The following SLC16A7 variants were observed in gnomAD, a reference collection of about 807,000 sequenced individuals.
The protein encoded by SLC16A7 is monocarboxylate transporter 2.
In SLC16A7, 33 loss-of-function variants were observed where a neutral mutation model predicts 34.9. That is an observed-to-expected ratio of 0.94 (90% confidence interval 0.72 to 1.26). The LOEUF is 1.26. Among genes scored for constraint, SLC16A7 ranks in the 50% most tolerant of loss-of-function variants. SLC16A7 has a pLI of 0.00. For missense variants in SLC16A7, 573 were observed against 578.1 expected (o/e 0.99, Z 0.09); for synonymous variants, 201 against 206.6 (o/e 0.97, Z 0.23).
intron 3 of SLC16A7, among the ~76,000 whole-genome samples, chr12:59,714,708 G>T (rs1461865917): frequency 6.6e-6 from 1 of 152,088 alleles, no homozygotes; most frequent in African/African-American, 2.4e-5. Flanking sequence ...AGGATTACAG[G>T]TGCCCACCAC....
At chr12:59,701,460 GTA>G (rs946558809) in intron 2 of SLC16A7, among the ~76,000 whole-genome samples, 1 of 151,448 alleles carries the variant, frequency 6.6e-6, no homozygotes, top group African/African-American at 2.4e-5. Flanking sequence ...ATAGAATTGT[GTA>G]TATGTGTGTG....
intron 3 of SLC16A7, among the ~76,000 whole-genome samples, chr12:59,753,272 A>C (rs1215144969): frequency 4.6e-5 from 7 of 152,250 alleles, no homozygotes; most frequent in African/African-American, 1.4e-4. Context: ...CTTTAAATGT[A>C]AATGGACTAA....
intron 3 of SLC16A7, among the ~76,000 whole-genome samples, chr12:59,727,467 C>G (rs542021555): frequency 1.4e-4 from 21 of 152,186 alleles, no homozygotes; most frequent in Middle Eastern, 6.8e-3. Context: ...GTTTTGTGAT[C>G]TAATCCAGCA....
At chr12:59,737,022 T>C (rs1877681672) in intron 3 of SLC16A7, among the ~76,000 whole-genome samples, 1 of 152,234 alleles carries the variant, frequency 6.6e-6, no homozygotes. Context: ...TATTGGAGAT[T>C]GCATGTTGTT....
intron 1 of SLC16A7, among the ~76,000 whole-genome samples, chr12:59,612,686 T>A (rs1436931417): frequency 6.6e-6 from 1 of 152,196 alleles, no homozygotes; most frequent in Non-Finnish European, 1.5e-5. Context: ...TAGACATTTC[T>A]TCCACCAGAT....
At chr12:59,615,546 A>G (rs1371329736) in intron 1 of SLC16A7, among the ~76,000 whole-genome samples, 2 of 152,204 alleles carry the variant, frequency 1.3e-5, no homozygotes, top group Non-Finnish European at 2.9e-5. Context: ...CTATGTGTCA[A>G]GACTGGCAAA....
At chr12:59,670,968 A>G (rs561416275) in intron 2 of SLC16A7, among the ~76,000 whole-genome samples, 1 of 152,274 alleles carries the variant, frequency 6.6e-6, no homozygotes, top group East Asian at 1.9e-4. Context: ...TCTTCATGTC[A>G]TCCTGTCTCT....
chr12:59,709,896 G>A (rs529111467), intron 3 of SLC16A7, among the ~76,000 whole-genome samples: 1 of 151,670 alleles, frequency 6.6e-6, no homozygotes, highest in East Asian at 1.9e-4. Flanking sequence ...TTAAATATAA[G>A]CGGAAGGACA....
intron 3 of SLC16A7, among the ~76,000 whole-genome samples, chr12:59,740,907 T>C (rs540395718): frequency 3.9e-5 from 6 of 152,160 alleles, no homozygotes; most frequent in Non-Finnish European, 7.3e-5. Context: ...AGCATTCTTA[T>C]ACACCAATAA....
chr12:59,666,220 A>G (rs1353580627), intron 2 of SLC16A7, among the ~76,000 whole-genome samples: 2 of 152,112 alleles, frequency 1.3e-5, no homozygotes, highest in Admixed American at 6.6e-5. Flanking sequence ...GTCAATATTC[A>G]TGTTGTTTTT....
At chr12:59,751,544 C>T (rs574740084) in intron 3 of SLC16A7, among the ~76,000 whole-genome samples, 53 of 152,326 alleles carry the variant, frequency 3.5e-4, no homozygotes, top group African/African-American at 9.4e-4. Context: ...GGCAGCGAGG[C>T]TGGGGGAGGT....
chr12:59,653,951 T>C (rs1479480205), intron 1 of SLC16A7, among the ~76,000 whole-genome samples: 2 of 151,744 alleles, frequency 1.3e-5, no homozygotes, highest in East Asian at 3.9e-4. Flanking sequence ...CATCTCAAAG[T>C]TGATTATATT....
chr12:59,727,550 G>C (rs1459239144), intron 3 of SLC16A7, among the ~76,000 whole-genome samples: 1 of 152,100 alleles, frequency 6.6e-6, no homozygotes, highest in Non-Finnish European at 1.5e-5. Context: ...ACATCATGAA[G>C]AGAGGAGTAA....
rs150582205 is a variant in SLC16A7 at position 59,606,818 on chromosome 12, T to C, written c.-130+10582T>C. ...AAAGGAGACTGAAATTTTAGAGATA[T>C]TGTGTGTGTGTGTACGTGTGTGTAT... On this transcript the variant is annotated intron_variant, in intron 1 of 5. Transcript: ENST00000547379. Among the ~76,000 whole-genome samples the C allele has an allele frequency of 5.3e-3, 808 of 152,006 alleles. 7 individuals carry two copies. Among genetic ancestry groups the C allele is most frequent in the South Asian group, 0.012 (57 of 4,806 alleles).
intron 3 of SLC16A7, among the ~76,000 whole-genome samples, chr12:59,738,839 T>C (rs1877919877): frequency 6.6e-6 from 1 of 151,730 alleles, no homozygotes; most frequent in Non-Finnish European, 1.5e-5. Context: ...GATTTTTTTT[T>C]TTTTAGTTTA....
At chr12:59,694,410 A>G (rs1872035077) in intron 2 of SLC16A7, among the ~76,000 whole-genome samples, 1 of 151,932 alleles carries the variant, frequency 6.6e-6, no homozygotes, top group Admixed American at 6.6e-5. Context: ...AATGTATACA[A>G]CCTGGTTAGT....
rs1252494948 is a variant in SLC16A7, at chr12:59,603,487, G to A, written c.-130+7251G>A. 4.6e-5 allele frequency among the ~76,000 whole-genome samples: 7 copies of A among 152,104 alleles called. No homozygotes were observed. In the East Asian group the frequency reaches 7.7e-4, roughly 17 times the overall value. ...TCTTTTATCTTGAAATGAATCTAAC[G>A]TCCTACGATTTCTAGCTCTAACCTC... On this transcript the variant is annotated intron_variant, in intron 1 of 5. Coordinates refer to ENST00000547379, the MANE Select transcript of SLC16A7 (RefSeq NM_001270623.2).
intron 1 of SLC16A7, among the ~76,000 whole-genome samples, chr12:59,640,908 A>T (rs573954231): frequency 6.6e-6 from 1 of 152,122 alleles, no homozygotes; most frequent in South Asian, 2.1e-4. Context: ...GAGGAACTGC[A>T]TGTATGAAAA....
At chr12:59,648,452 A>G (rs567439947) in intron 1 of SLC16A7, among the ~76,000 whole-genome samples, 2 of 152,326 alleles carry the variant, frequency 1.3e-5, no homozygotes, top group South Asian at 2.1e-4. Flanking sequence ...AGTACGTTAT[A>G]TACGTTGCCA....
Sources: allele counts gnomAD v4.1 joint callset (sites outside exome capture counted in the v4.1 genomes callset), GRCh38; gene constraint gnomAD v4.1.1; transcripts MANE v1.5; gene names NCBI Gene and HGNC (gene_info 2026-07-23, HGNC 2026-07-21).